USP3: variants seen among roughly 807,000 people sequenced by gnomAD.
USP3 encodes the protein ubiquitin specific peptidase 3.
A neutral mutation model predicts 72.3 loss-of-function variants in USP3; 20 were observed. The observed-to-expected ratio is 0.28, with a 90% confidence interval of 0.19 to 0.40. The LOEUF (loss-of-function observed/expected upper bound fraction) is 0.40, where lower values mean the gene tolerates loss of function less well. USP3 is among the 10% of genes least tolerant of loss of function. The pLI, the probability that USP3 is intolerant of heterozygous loss-of-function variation, is 1.00. For synonymous variants in USP3, 222 were observed against 225.3 expected, an observed-to-expected ratio of 0.99 and a Z score of 0.13; for missense variants, 479 against 633.9, an observed-to-expected ratio of 0.76 and a Z score of 2.62.
At chr15:63,590,494 G>A (rs1205960360) in intron 14 of USP3, among the ~76,000 whole-genome samples, 167 bp from the exon 15 acceptor site, 2 of 152,132 alleles carry the variant, frequency 1.3e-5, no homozygotes, top group African/African-American at 4.8e-5. Context: ...GCAAACCCTC[G>A]ATTTCTGGTC....
At chr15:63,506,512 A>C (rs890921469) in intron 1 of USP3, among the ~76,000 whole-genome samples, 1 of 152,250 alleles carries the variant, frequency 6.6e-6, no homozygotes, top group Non-Finnish European at 1.5e-5. Flanking sequence ...GTAAAATCAC[A>C]TCAAACTTAA....
intron 11 of USP3, among the ~76,000 whole-genome samples, chr15:63,578,134 G>C (rs1458363771): frequency 2.0e-5 from 3 of 151,878 alleles, no homozygotes; most frequent in Admixed American, 1.3e-4. Context: ...AAATTAGCCA[G>C]GTACGGTGGC....
At chr15:63,573,106 A>G (rs893468337) in intron 9 of USP3, among the ~76,000 whole-genome samples, 18 of 152,236 alleles carry the variant, frequency 1.2e-4, no homozygotes, top group African/African-American at 3.1e-4. Context: ...ATACTCTGAC[A>G]CACAGTGGGG....
intron 11 of USP3, among the ~76,000 whole-genome samples, chr15:63,582,323 G>C (rs944800309): frequency 5.3e-5 from 8 of 152,148 alleles, no homozygotes; most frequent in African/African-American, 1.9e-4. Flanking sequence ...TACTATAATA[G>C]CACTTTCTTA....
chr15:63,548,518 G>C (rs2066388853), intron 3 of USP3, among the ~76,000 whole-genome samples: 1 of 152,008 alleles, frequency 6.6e-6, no homozygotes, highest in Non-Finnish European at 1.5e-5. Flanking sequence ...AGTAGAGACA[G>C]GGTTTCACCA....
At chr15:63,547,726 GA>G (rs1327955626) in intron 3 of USP3, among the ~76,000 whole-genome samples, 10 of 38,280 alleles carry the variant, frequency 2.6e-4, no homozygotes, top group African/African-American at 9.1e-4. Flanking sequence ...TCTCAATAGA[GA>G]GAGAGAGAGA....
chr15:63,580,377 C>T (rs532136955), intron 11 of USP3, among the ~76,000 whole-genome samples: 5 of 151,612 alleles, frequency 3.3e-5, no homozygotes, highest in Middle Eastern at 3.2e-3. Context: ...TTGTTTTAAC[C>T]GATGTGTGTC....
chr15:63,589,014 G>A lies in USP3; in HGVS notation c.1397+3G>A. On this transcript the variant is annotated splice_donor_region_variant and intron_variant, in intron 14 of 14. Transcript: ENST00000380324. ...GTGGTGGTGCACCATGGTTCCGGGTGAGTACAACAGCCAGCTTCTGGTGGG... is the reference window on the plus strand; with the variant it reads ...GTGGTGGTGCACCATGGTTCCGGGTAAGTACAACAGCCAGCTTCTGGTGGG... 6.2e-7 allele frequency: 1 copy of A among 1,613,128 alleles called. No homozygotes were observed. Among genetic ancestry groups the A allele is most frequent in the Non-Finnish European group, 8.5e-7 (1 of 1,180,026 alleles).
intron 2 of USP3, among the ~76,000 whole-genome samples, chr15:63,534,751 G>C (rs2066129848): frequency 6.6e-6 from 1 of 152,026 alleles, no homozygotes. Context: ...AAGATGATGA[G>C]TTCTCAAAAA....
At chr15:63,581,356 T>C in intron 11 of USP3, among the ~76,000 whole-genome samples, 1 of 19,030 alleles carries the variant, frequency 5.3e-5, no homozygotes, top group South Asian at 1.0e-3. Context: ...TGTGTGTGTG[T>C]GTGTGTGTGT....
chr15:63,537,302 G>T, intron 3 of USP3, 146 bp downstream of exon 3: 3 of 939,866 alleles, frequency 3.2e-6, no homozygotes, highest in South Asian at 5.8e-5. Context: ...GGAGCCATTG[G>T]GAACGCCTAT....
chr15:63,589,578 C>G (rs761203272), intron 14 of USP3, among the ~76,000 whole-genome samples: 1 of 152,152 alleles, frequency 6.6e-6, no homozygotes. Context: ...AATGACAAGT[C>G]TGATTCTCAC....
intron 11 of USP3, among the ~76,000 whole-genome samples, chr15:63,583,056 A>G (rs955906860): frequency 2.1e-4 from 32 of 152,142 alleles, no homozygotes; most frequent in African/African-American, 7.7e-4. Flanking sequence ...GAATGACCCC[A>G]TGCTTCCACA....
At chr15:63,511,538 C>CAACCTTGTAT (rs1480062362) in intron 1 of USP3, among the ~76,000 whole-genome samples, 1 of 152,112 alleles carries the variant, frequency 6.6e-6, no homozygotes, top group Non-Finnish European at 1.5e-5. Context: ...TTTTAAATGT[C>CAACCTTGTAT]AACCTTGTTA....
rs2067187886 is a variant in USP3 at position 63,590,985 on chromosome 15, C to T, written c.*159C>T. On this transcript the variant is annotated 3_prime_UTR_variant, in exon 15 of 15. Coordinates refer to ENST00000380324, the MANE Select transcript of USP3 (RefSeq NM_006537.4). Reference sequence around the variant, plus strand: ...GTGACTTACTGAACATGGGCACCAACTAATTTTGTTGTTGTTCTACCAGAA... The same window carrying T: ...GTGACTTACTGAACATGGGCACCAATTAATTTTGTTGTTGTTCTACCAGAA... 2 of 849,072 alleles carry T rather than the reference C, an allele frequency of 2.4e-6. No individual in the cohort carries two copies. Among genetic ancestry groups the T allele is most frequent in the Non-Finnish European group, 3.3e-6 (2 of 613,126 alleles). 52.6% of individuals were successfully genotyped at this position (849,072 alleles called of 1,614,324 possible).
chr15:63,526,781 A>G (rs1416984810), intron 1 of USP3, among the ~76,000 whole-genome samples: 1 of 152,244 alleles, frequency 6.6e-6, no homozygotes, highest in Non-Finnish European at 1.5e-5. Context: ...TTAGCAGTTA[A>G]TCTTTTTGTT....
intron 11 of USP3, among the ~76,000 whole-genome samples, chr15:63,579,699 G>C (rs1466038810): frequency 1.3e-5 from 2 of 152,088 alleles, no homozygotes; most frequent in Admixed American, 1.3e-4. Flanking sequence ...ATTTAATTGA[G>C]CAATGGTAAA....
intron 3 of USP3, among the ~76,000 whole-genome samples, chr15:63,538,092 T>G (rs2066186610): frequency 6.6e-6 from 1 of 152,074 alleles, no homozygotes; most frequent in Non-Finnish European, 1.5e-5. Context: ...ACAAAGTAGG[T>G]ATCTATTTTT....
intron 11 of USP3, among the ~76,000 whole-genome samples, chr15:63,579,911 G>GGGT (rs1320512520): frequency 2.6e-5 from 4 of 152,212 alleles, no homozygotes; most frequent in Non-Finnish European, 4.4e-5. Context: ...GTCAGTGGAA[G>GGGT]AGGACACTCG....
Sources: allele counts gnomAD v4.1 joint callset (sites outside exome capture counted in the v4.1 genomes callset), GRCh38; gene constraint gnomAD v4.1.1; transcripts MANE v1.5; gene names NCBI Gene and HGNC (gene_info 2026-07-23, HGNC 2026-07-21).